The following GPM6B variants were observed in gnomAD, a reference collection of about 807,000 sequenced individuals.
GPM6B encodes the protein neuronal membrane glycoprotein M6-b.
GPM6B carries 4 observed loss-of-function variants against 27.2 expected under a neutral mutation model. The observed-to-expected ratio is 0.15, with a 90% CI of 0.07 to 0.34. The LOEUF is 0.34. GPM6B is among the 10% of genes least tolerant of loss of function. The pLI is 1.00. For synonymous variants in GPM6B, 124 were observed against 103.1 expected, an observed-to-expected ratio of 1.20 and a Z score of -1.23; for missense variants, 183 against 261.9, an observed-to-expected ratio of 0.70 and a Z score of 2.08.
At chrX:13,856,761 G>A (rs888495080) in intron 1 of GPM6B, among the ~76,000 whole-genome samples, 7 of 105,121 alleles carry the variant, frequency 6.7e-5, no homozygotes, top group Non-Finnish European at 1.2e-4. Flanking sequence ...GTGCAGAGGT[G>A]CGATCATAGC....
intron 5 of GPM6B, among the ~76,000 whole-genome samples, chrX:13,779,101 C>A (rs2048468284): frequency 9.0e-6 from 1 of 111,077 alleles, no homozygotes; most frequent in East Asian, 2.8e-4. Flanking sequence ...TAATTAGACT[C>A]CTCCCTCAGG....
intron 6 of GPM6B, among the ~76,000 whole-genome samples, 187 bp from the exon 7 acceptor site, chrX:13,776,490 G>C (rs1481320979): frequency 2.7e-5 from 3 of 111,580 alleles, no homozygotes; most frequent in Non-Finnish European, 5.7e-5. Context: ...ACTTTCTGAT[G>C]CCCAGACTGC....
intron 1 of GPM6B, among the ~76,000 whole-genome samples, chrX:13,903,553 C>A (rs868363971): frequency 8.9e-6 from 1 of 111,921 alleles, no homozygotes; most frequent in Non-Finnish European, 1.9e-5. Flanking sequence ...CATTTTACCA[C>A]GCAGACTCTT....
intron 1 of GPM6B, among the ~76,000 whole-genome samples, chrX:13,847,507 A>T (rs1317987189): frequency 1.8e-5 from 2 of 111,985 alleles, no homozygotes; most frequent in Non-Finnish European, 3.8e-5. Context: ...CCTCCTCAGC[A>T]TCACCCAGGC....
At chrX:13,880,904 C>T (rs1569283271) in intron 1 of GPM6B, among the ~76,000 whole-genome samples, 1 of 110,119 alleles carries the variant, frequency 9.1e-6, no homozygotes, top group Non-Finnish European at 1.9e-5. Context: ...CTCCATGGGG[C>T]CTTTGCAACC....
chrX:13,796,218 C>G (rs922382724), intron 2 of GPM6B, among the ~76,000 whole-genome samples: 2 of 111,082 alleles, frequency 1.8e-5, no homozygotes, highest in Non-Finnish European at 3.8e-5. Context: ...AGCCACTGTG[C>G]CTGGCTGGCC....
In GPM6B at chrX:13,783,820, A is replaced by G. The variant is rs185695823; in HGVS notation, c.369-299T>C. 1,768 of 397,222 alleles carry G rather than the reference A, an allele frequency of 4.5e-3. 39 individuals carry two copies. The highest frequency in any genetic ancestry group is 0.044 in the Admixed American group (1,499 of 34,163). 32.7% of individuals were successfully genotyped at this position (397,222 alleles called of 1,213,427 possible). On this transcript the variant is annotated intron_variant, in intron 3 of 7. Coordinates refer to ENST00000316715, the MANE Select transcript of GPM6B (RefSeq NM_001001995.3). ...AAGGGTTAGAATCCTCATTTTGCAC[A>G]TAAGTAAAACACAGGCATTGAGGAG... is the stretch of plus-strand genomic sequence containing the variant.
rs1404964036 is a variant in GPM6B, at chrX:13,772,170, TTAAAA to T, written c.*706_*710del. ...TAATGAAAATTGGATCAGTATTTTG[TTAAAA>T]TGAAATCTGTTATAAAATTGCTTCT... On this transcript the variant is annotated 3_prime_UTR_variant, in exon 8 of 8. Coordinates refer to ENST00000316715, the MANE Select transcript of GPM6B (RefSeq NM_001001995.3). 2 of 112,696 alleles carry T rather than the reference TTAAAA, an allele frequency of 1.8e-5. No homozygotes were observed. Among genetic ancestry groups the T allele is most frequent in the Admixed American group, 1.9e-4 (2 of 10,622 alleles). 9.3% of individuals were successfully genotyped at this position (112,696 alleles called of 1,213,427 possible).
At chrX:13,890,974 C>T (rs2050182984) in intron 1 of GPM6B, among the ~76,000 whole-genome samples, 2 of 111,311 alleles carry the variant, frequency 1.8e-5, no homozygotes, top group Admixed American at 1.9e-4. Flanking sequence ...GCTCAGATCA[C>T]ACTCCAGACC....
chrX:13,926,456 G>A (rs1410541818), intron 1 of GPM6B, among the ~76,000 whole-genome samples: 2 of 107,523 alleles, frequency 1.9e-5, no homozygotes, highest in Non-Finnish European at 3.8e-5. Flanking sequence ...AAAAGCAGAG[G>A]ATCAAGAATA....
intron 1 of GPM6B, among the ~76,000 whole-genome samples, chrX:13,923,274 G>A (rs1921019040): frequency 1.8e-5 from 2 of 111,593 alleles, no homozygotes; most frequent in South Asian, 7.6e-4. Flanking sequence ...ATGTCTGGCA[G>A]TCCAGTTTGG....
intron 1 of GPM6B, among the ~76,000 whole-genome samples, chrX:13,810,323 T>C (rs1202663888): frequency 8.9e-6 from 1 of 111,987 alleles, no homozygotes; most frequent in Non-Finnish European, 1.9e-5. Flanking sequence ...GCCCTCCACA[T>C]AGACCCCTAA....
intron 1 of GPM6B, among the ~76,000 whole-genome samples, chrX:13,917,879 T>C (rs1375245607): frequency 8.9e-6 from 1 of 112,672 alleles, no homozygotes; most frequent in Non-Finnish European, 1.9e-5. Context: ...ATTCAGAAAA[T>C]GCCCTTTCAA....
chrX:13,860,534 CT>C (rs2049832853), intron 1 of GPM6B, among the ~76,000 whole-genome samples: 1 of 108,362 alleles, frequency 9.2e-6, no homozygotes. Flanking sequence ...ATTATCAACT[CT>C]TACCCTTTTC....
intron 2 of GPM6B, among the ~76,000 whole-genome samples, chrX:13,792,570 T>C (rs2048733071): frequency 9.0e-6 from 1 of 111,420 alleles, no homozygotes; most frequent in Non-Finnish European, 1.9e-5. Context: ...AAATAAAGAA[T>C]GGTCACACCC....
chrX:13,803,543 G>C (rs2048961892), intron 2 of GPM6B, among the ~76,000 whole-genome samples: 1 of 112,240 alleles, frequency 8.9e-6, no homozygotes, highest in Non-Finnish European at 1.9e-5. Flanking sequence ...GATATGTGAA[G>C]TGGGTGGTTA....
chrX:13,888,426 T>C (rs965542548), intron 1 of GPM6B, among the ~76,000 whole-genome samples: 10 of 112,229 alleles, frequency 8.9e-5, no homozygotes, highest in Non-Finnish European at 1.9e-5. Context: ...TGTCACATGG[T>C]TTCTAACTGA....
chrX:13,905,630 A>G (rs2050323664), intron 1 of GPM6B, among the ~76,000 whole-genome samples: 1 of 111,768 alleles, frequency 8.9e-6, no homozygotes, highest in Non-Finnish European at 1.9e-5. Flanking sequence ...AGTCCAGCCA[A>G]CCATTCTGCC....
intron 2 of GPM6B, among the ~76,000 whole-genome samples, chrX:13,807,411 A>AAAGAGGG (rs1246573452): frequency 8.9e-6 from 1 of 112,063 alleles, no homozygotes; most frequent in South Asian, 3.7e-4. Flanking sequence ...ATTGAAGGTG[A>AAAGAGGG]AAGAGGGAAG....
Sources: allele counts gnomAD v4.1 joint callset (sites outside exome capture counted in the v4.1 genomes callset), GRCh38; gene constraint gnomAD v4.1.1; transcripts MANE v1.5; gene names NCBI Gene and HGNC (gene_info 2026-07-23, HGNC 2026-07-21).